The following NELL1 variants were observed in gnomAD, a reference collection of about 807,000 sequenced individuals.
The protein encoded by NELL1 is neural EGFL like 1.
A neutral mutation model predicts 107.4 loss-of-function variants in NELL1; 76 were observed. That is an observed-to-expected ratio of 0.71 (90% confidence interval 0.59 to 0.86). The LOEUF is 0.86. NELL1 is among the 40% of genes least tolerant of loss of function. The pLI is 0.00. For synonymous variants in NELL1, 353 were observed against 341.2 expected (o/e 1.03, Z -0.38); for missense variants, 1,024 against 1,005.5 (o/e 1.02, Z -0.25).
chr11:21,214,108 C>G (rs948400523), intron 13 of NELL1, among the ~76,000 whole-genome samples: 1 of 152,102 alleles, frequency 6.6e-6, no homozygotes. Flanking sequence ...TATCTTTTAT[C>G]TGAAATTTCT....
At chr11:20,749,744 C>A (rs1449268239) in intron 2 of NELL1, among the ~76,000 whole-genome samples, 1 of 152,030 alleles carries the variant, frequency 6.6e-6, no homozygotes, top group Non-Finnish European at 1.5e-5. Context: ...TTTTTATTAT[C>A]CCTTCCTGAC....
chr11:21,475,685 A>G (rs1854313413), intron 15 of NELL1, among the ~76,000 whole-genome samples: 1 of 152,226 alleles, frequency 6.6e-6, no homozygotes, highest in Non-Finnish European at 1.5e-5. Flanking sequence ...AAGCCTTCAC[A>G]TAATATGTGC....
At chr11:20,977,024 G>C (rs1851651484) in intron 12 of NELL1, among the ~76,000 whole-genome samples, 1 of 151,774 alleles carries the variant, frequency 6.6e-6, no homozygotes, top group Admixed American at 6.6e-5. Context: ...GTAAAGTTTG[G>C]GTATGATGTT....
chr11:20,757,165 T>G (rs974202670), intron 2 of NELL1, among the ~76,000 whole-genome samples: 2 of 152,024 alleles, frequency 1.3e-5, no homozygotes, highest in African/African-American at 4.8e-5. Context: ...ACACTTAGTT[T>G]TTTTTTTTTA....
At chr11:21,541,909 G>C (rs897312898) in intron 16 of NELL1, among the ~76,000 whole-genome samples, 1 of 152,000 alleles carries the variant, frequency 6.6e-6, no homozygotes, top group Non-Finnish European at 1.5e-5. Context: ...ATACTAATAA[G>C]AGATAACATT....
intron 2 of NELL1, among the ~76,000 whole-genome samples, chr11:20,720,191 A>T (rs577722298): frequency 7.2e-6 from 1 of 138,844 alleles, no homozygotes; most frequent in South Asian, 2.3e-4. Flanking sequence ...TAAGGTGGCC[A>T]GTTCATTCCT....
chr11:20,704,170 T>G (rs1479578232), intron 2 of NELL1, among the ~76,000 whole-genome samples: 2 of 152,178 alleles, frequency 1.3e-5, no homozygotes, highest in Non-Finnish European at 2.9e-5. Context: ...AGGTCTTGCT[T>G]TATGAATCTG....
chr11:21,084,738 C>T (rs1281693431), intron 12 of NELL1, among the ~76,000 whole-genome samples: 1 of 152,230 alleles, frequency 6.6e-6, no homozygotes, highest in Non-Finnish European at 1.5e-5. Context: ...AGCGCAACCA[C>T]TGTGCGTTTG....
intron 13 of NELL1, among the ~76,000 whole-genome samples, chr11:21,146,746 G>C (rs1855986872): frequency 6.6e-6 from 1 of 152,140 alleles, no homozygotes; most frequent in Non-Finnish European, 1.5e-5. Flanking sequence ...TTATCATCTA[G>C]ATGAGTATCA....
intron 3 of NELL1, among the ~76,000 whole-genome samples, chr11:20,817,381 C>T (rs1361948132): frequency 6.6e-6 from 1 of 152,008 alleles, no homozygotes; most frequent in East Asian, 1.9e-4. Flanking sequence ...TGTGTGTATC[C>T]AGGAATTTAT....
At chr11:20,843,774 C>A (rs967994652) in intron 3 of NELL1, among the ~76,000 whole-genome samples, 3 of 150,826 alleles carry the variant, frequency 2.0e-5, no homozygotes, top group African/African-American at 7.3e-5. Context: ...CTTTATCTAC[C>A]TATATTTTTA....
At chr11:21,343,941 G>C (rs992533314) in intron 14 of NELL1, among the ~76,000 whole-genome samples, 6 of 152,152 alleles carry the variant, frequency 3.9e-5, no homozygotes, top group African/African-American at 1.4e-4. Context: ...TCATGTGCCA[G>C]GTGCTGATTC....
intron 13 of NELL1, among the ~76,000 whole-genome samples, chr11:21,115,476 G>T (rs1855213505): frequency 6.6e-6 from 1 of 152,002 alleles, no homozygotes; most frequent in African/African-American, 2.4e-5. Flanking sequence ...AGAACAGAAG[G>T]TTGGGTGCTG....
intron 3 of NELL1, among the ~76,000 whole-genome samples, chr11:20,796,506 C>T (rs974199846): frequency 6.6e-6 from 1 of 151,692 alleles, no homozygotes. Flanking sequence ...TATTAAATTA[C>T]TTTCATTTGG....
chr11:21,303,132 T>G (rs1849534804), intron 14 of NELL1, among the ~76,000 whole-genome samples: 1 of 150,096 alleles, frequency 6.7e-6, no homozygotes, highest in Non-Finnish European at 1.5e-5. Flanking sequence ...TGTCTATCTA[T>G]ACACATACAT....
At chr11:21,566,878 T>TG (rs1285952256) in intron 17 of NELL1, among the ~76,000 whole-genome samples, 1 of 151,910 alleles carries the variant, frequency 6.6e-6, no homozygotes, top group Non-Finnish European at 1.5e-5. Context: ...AAGTGAACAT[T>TG]GCCATTGTTC....
chr11:21,059,270 T>G (rs917530526), intron 12 of NELL1, among the ~76,000 whole-genome samples: 16 of 151,808 alleles, frequency 1.1e-4, no homozygotes, highest in Admixed American at 2.6e-4. Context: ...GTTTTGTTTT[T>G]TTTTTTTTCA....
At chr11:21,234,218 C>A (rs151025134) in intron 14 of NELL1, among the ~76,000 whole-genome samples, 1 of 152,102 alleles carries the variant, frequency 6.6e-6, no homozygotes, top group African/African-American at 2.4e-5. Flanking sequence ...GCTCCTAGTT[C>A]GAAAAGCAGG....
At chr11:20,782,088 T>A (rs1184434546) in intron 2 of NELL1, among the ~76,000 whole-genome samples, 3 of 151,952 alleles carry the variant, frequency 2.0e-5, no homozygotes, top group Non-Finnish European at 4.4e-5. Flanking sequence ...TAACAAACAT[T>A]TTCTAATACT....
Sources: gnomAD v4.1 joint callset for allele counts (sites outside exome capture counted in the v4.1 genomes callset) on GRCh38, gnomAD v4.1.1 for gene constraint, MANE v1.5 for transcripts, NCBI Gene and HGNC (gene_info 2026-07-23, HGNC 2026-07-21) for gene names.